CDC42SE2: variants seen among roughly 807,000 people sequenced by gnomAD.
The protein encoded by CDC42SE2 is CDC42 small effector protein 2.
CDC42SE2 carries 3 observed loss-of-function variants against 11.5 expected under a neutral mutation model. The ratio of observed to expected loss-of-function variants is 0.26; its 90% CI spans 0.12 to 0.67. The LOEUF is 0.67. CDC42SE2 is among the 30% of genes least tolerant of loss of function. The pLI, the probability that CDC42SE2 is intolerant of heterozygous loss-of-function variation, is 0.80. For synonymous variants in CDC42SE2, 33 were observed against 34.8 expected, an observed-to-expected ratio of 0.95 and a Z score of 0.18; for missense variants, 82 against 106.8, an observed-to-expected ratio of 0.77 and a Z score of 1.02.
chr5:131,221,518 A>G, the CDC42SE2 span, among the ~76,000 whole-genome samples: 2 of 151,932 alleles, frequency 1.3e-5, no homozygotes, highest in South Asian at 4.2e-4. Flanking sequence ...TATACAAAAT[A>G]CCAAAAAAAA....
At chr5:131,253,173 C>T (rs2149683739) in intron 1 of CDC42SE2, 1 of 152,036 alleles carries the variant, frequency 6.6e-6, no homozygotes, top group South Asian at 2.1e-4. Flanking sequence ...GAGCCATATC[C>T]TAAAAAAAAA....
chr5:131,232,115 AT>A, the CDC42SE2 span, among the ~76,000 whole-genome samples: 9 of 139,398 alleles, frequency 6.5e-5, no homozygotes, highest in Admixed American at 1.4e-4. Context: ...TTTGTTACCT[AT>A]TTTTTTTTTC....
At chr5:131,306,494 A>T (rs1023890059) in intron 1 of CDC42SE2, among the ~76,000 whole-genome samples, 2 of 152,070 alleles carry the variant, frequency 1.3e-5, no homozygotes, top group Non-Finnish European at 2.9e-5. Context: ...ATTGATTACT[A>T]TAGTTTGTAG....
At position 131,291,763 on chromosome 5, in the gene CDC42SE2, T is replaced by C. The variant is rs115183321; in HGVS notation, c.-454-24213T>C. 2.0e-3 allele frequency among the ~76,000 whole-genome samples: 299 copies of C among 152,290 alleles called. 1 individual carries two copies. Among genetic ancestry groups the C allele is most frequent in the African/African-American group, 6.9e-3 (288 of 41,550 alleles). ...TTAAATACAAATAACCCTTCAAAAA[T>C]ACTGATATAACAAACACCACCCGGG... On this transcript the variant is annotated intron_variant, in intron 1 of 4. Transcript: ENST00000505065.
At chr5:131,376,655 T>C (rs1750164443) in intron 3 of CDC42SE2, among the ~76,000 whole-genome samples, 1 of 152,104 alleles carries the variant, frequency 6.6e-6, no homozygotes, top group African/African-American at 2.4e-5. Flanking sequence ...CCTCCCACCC[T>C]CTACTCTCAG....
intron 1 of CDC42SE2, among the ~76,000 whole-genome samples, chr5:131,297,543 C>G (rs1757594483): frequency 6.6e-6 from 1 of 151,818 alleles, no homozygotes; most frequent in Non-Finnish European, 1.5e-5. Context: ...CATGATGAAA[C>G]CTCGTCTCTA....
intron 2 of CDC42SE2, among the ~76,000 whole-genome samples, chr5:131,327,702 T>A (rs1228898709): frequency 6.6e-6 from 1 of 152,236 alleles, no homozygotes; most frequent in Non-Finnish European, 1.5e-5. Context: ...CAAACTGGTA[T>A]GAGGCTACTT....
chr5:131,295,950 G>C (rs993689628), intron 1 of CDC42SE2, among the ~76,000 whole-genome samples: 5 of 152,170 alleles, frequency 3.3e-5, no homozygotes, highest in Non-Finnish European at 7.3e-5. Flanking sequence ...CTCCCAAAGT[G>C]CTGGGATTAC....
At chr5:131,276,995 C>G (rs1293276473) in intron 1 of CDC42SE2, among the ~76,000 whole-genome samples, 2 of 152,182 alleles carry the variant, frequency 1.3e-5, no homozygotes, top group East Asian at 3.8e-4. Context: ...CCACCTCGGC[C>G]TCCCAAACTG....
intron 3 of CDC42SE2, among the ~76,000 whole-genome samples, chr5:131,364,023 G>A (rs1749785721): frequency 6.6e-6 from 1 of 152,020 alleles, no homozygotes; most frequent in Admixed American, 6.6e-5. Flanking sequence ...GGACATGTAC[G>A]CACTTACAGT....
chr5:131,300,602 T>C (rs1013578645), intron 1 of CDC42SE2, among the ~76,000 whole-genome samples: 1 of 151,692 alleles, frequency 6.6e-6, no homozygotes, highest in African/African-American at 2.4e-5. Context: ...GGCTTACACA[T>C]TGAAACCTGT....
the CDC42SE2 span, among the ~76,000 whole-genome samples, chr5:131,213,485 A>G: frequency 0.29 from 44,757 of 151,912 alleles, 9,878 homozygotes; most frequent in African/African-American, 0.63. Flanking sequence ...GCATTGCTCT[A>G]TCACTCAGGG....
chr5:131,280,489 G>GT (rs2149701523), intron 1 of CDC42SE2, among the ~76,000 whole-genome samples: 1 of 152,280 alleles, frequency 6.6e-6, no homozygotes, highest in South Asian at 2.1e-4. Context: ...TGAAAATTCT[G>GT]TTTGACGAGG....
intron 3 of CDC42SE2, among the ~76,000 whole-genome samples, chr5:131,362,915 G>A (rs891924426): frequency 6.6e-6 from 1 of 152,138 alleles, no homozygotes; most frequent in Non-Finnish European, 1.5e-5. Flanking sequence ...GAGAGGCCAA[G>A]GCAGGGGGAT....
chr5:131,267,361 T>C (rs1232002582), intron 1 of CDC42SE2, among the ~76,000 whole-genome samples: 1 of 148,258 alleles, frequency 6.7e-6, no homozygotes, highest in African/African-American at 2.5e-5. Flanking sequence ...CAGGCCATAA[T>C]TTTTTTTTTT....
In CDC42SE2 at chr5:131,317,836, A is replaced by G. The variant is rs117122124; in HGVS notation, c.-286+1692A>G. On this transcript the variant is annotated intron_variant, in intron 2 of 4. Coordinates refer to ENST00000505065, the MANE Select transcript of CDC42SE2 (RefSeq NM_001375635.1). ...TGGTAGTATATTTTGAATCCTTCAA[A>G]AAGAGATTTACATTCAGGGAAGAAT... Among the ~76,000 whole-genome samples, 1,359 of 150,620 alleles carry G rather than the reference A, an allele frequency of 9.0e-3. 58 individuals carry two copies. The East Asian group carries it at 0.096, about 11-fold the overall frequency.
At chr5:131,257,810 C>T (rs1580716433) in intron 2 of CDC42SE2, among the ~76,000 whole-genome samples, 1 of 152,076 alleles carries the variant, frequency 6.6e-6, no homozygotes, top group African/African-American at 2.4e-5. Flanking sequence ...CCAAATCTCC[C>T]GGTGCTTTGA....
chr5:131,223,744 C>T, the CDC42SE2 span, among the ~76,000 whole-genome samples: 1,208 of 152,216 alleles, frequency 7.9e-3, 17 homozygotes, highest in Middle Eastern at 0.031. Context: ...ACTACTTTCC[C>T]CTCTATCTAC....
chr5:131,359,639 G>T, intron 3 of CDC42SE2, 92 bp downstream of exon 3: 1 of 896,426 alleles, frequency 1.1e-6, no homozygotes. Flanking sequence ...AGCAGTAATT[G>T]CAAAGCAGTT....
Sources: allele counts gnomAD v4.1 joint callset (sites outside exome capture counted in the v4.1 genomes callset), GRCh38; gene constraint gnomAD v4.1.1; transcripts MANE v1.5; gene names NCBI Gene and HGNC (gene_info 2026-07-23, HGNC 2026-07-21).